NBEA: variants seen among roughly 807,000 people sequenced by gnomAD.
The protein encoded by NBEA is neurobeachin, also known as lysosomal-trafficking regulator 2.
NBEA carries 44 observed loss-of-function variants against 343.4 expected under a neutral mutation model. The observed-to-expected ratio is 0.13, with a 90% CI of 0.10 to 0.16. NBEA has a LOEUF of 0.16. Among genes scored for constraint, NBEA ranks in the 10% least tolerant of loss-of-function variants. The pLI, the probability that NBEA is intolerant of heterozygous loss-of-function variation, is 1.00. For missense variants in NBEA, 2,555 were observed against 3,631.3 expected (o/e 0.70, Z 7.62); for synonymous variants, 1,175 against 1,238.7 (o/e 0.95, Z 1.08).
intron 39 of NBEA, among the ~76,000 whole-genome samples, chr13:35,449,997 G>A (rs1167468486): frequency 6.6e-6 from 1 of 152,170 alleles, no homozygotes; most frequent in African/African-American, 2.4e-5. Flanking sequence ...GTATTGTGAT[G>A]TGACTATGTT....
intron 32 of NBEA, among the ~76,000 whole-genome samples, chr13:35,209,752 C>T (rs1271908984): frequency 6.6e-6 from 1 of 151,908 alleles, no homozygotes; most frequent in Non-Finnish European, 1.5e-5. Flanking sequence ...CTGTATCTAT[C>T]TTGTTTATCA....
intron 8 of NBEA, among the ~76,000 whole-genome samples, chr13:35,067,697 A>G (rs2063706454): frequency 6.6e-6 from 1 of 152,086 alleles, no homozygotes; most frequent in African/African-American, 2.4e-5. Context: ...AAACATTGAT[A>G]TTTATATAAA....
At chr13:35,157,512 GT>G (rs1305382286) in intron 21 of NBEA, among the ~76,000 whole-genome samples, 1 of 152,084 alleles carries the variant, frequency 6.6e-6, no homozygotes, top group African/African-American at 2.4e-5. Flanking sequence ...ACATACATCT[GT>G]TTTATAGCAA....
chr13:35,135,008 C>T (rs555821555), intron 17 of NBEA, among the ~76,000 whole-genome samples: 2 of 151,960 alleles, frequency 1.3e-5, no homozygotes, highest in South Asian at 2.1e-4. Flanking sequence ...TTCATTCATT[C>T]GGTTTTTCCC....
intron 34 of NBEA, among the ~76,000 whole-genome samples, chr13:35,257,715 C>T (rs1593966402): frequency 6.6e-6 from 1 of 152,114 alleles, no homozygotes; most frequent in Non-Finnish European, 1.5e-5. Flanking sequence ...AAATTTATTT[C>T]CTGCTTTTTA....
intron 1 of NBEA, among the ~76,000 whole-genome samples, chr13:35,009,302 A>G (rs1262564224): frequency 6.6e-6 from 1 of 152,318 alleles, no homozygotes; most frequent in East Asian, 1.9e-4. Flanking sequence ...AATACATAGT[A>G]TGTCAAAAGG....
intron 34 of NBEA, among the ~76,000 whole-genome samples, chr13:35,269,801 T>G (rs1386485077): frequency 6.6e-6 from 1 of 152,072 alleles, no homozygotes; most frequent in African/African-American, 2.4e-5. Context: ...AAATGAAGAT[T>G]GACAGAGATA....
intron 47 of NBEA, among the ~76,000 whole-genome samples, chr13:35,602,228 C>A (rs1200141007): frequency 6.6e-6 from 1 of 152,112 alleles, no homozygotes; most frequent in African/African-American, 2.4e-5. Context: ...AACAACAAAT[C>A]TTTTCAATAA....
chr13:35,131,988 A>G (rs191690190), intron 17 of NBEA, among the ~76,000 whole-genome samples: 6 of 152,306 alleles, frequency 3.9e-5, no homozygotes, highest in African/African-American at 9.6e-5. Flanking sequence ...CACAGCATAG[A>G]CTACTTACTG....
chr13:35,176,010 T>C (rs944780219), intron 27 of NBEA, among the ~76,000 whole-genome samples: 9 of 152,128 alleles, frequency 5.9e-5, no homozygotes, highest in African/African-American at 2.2e-4. Flanking sequence ...AAATTATGTA[T>C]TATTTTCTTT....
At chr13:35,055,087 C>T (rs1371899544) in intron 6 of NBEA, among the ~76,000 whole-genome samples, 1 of 151,952 alleles carries the variant, frequency 6.6e-6, no homozygotes, top group Non-Finnish European at 1.5e-5. Flanking sequence ...TTGAATAGTG[C>T]ATTTAAATAA....
At chr13:35,285,335 C>G (rs1467141488) in intron 34 of NBEA, among the ~76,000 whole-genome samples, 1 of 151,962 alleles carries the variant, frequency 6.6e-6, no homozygotes, top group Non-Finnish European at 1.5e-5. Context: ...CCAAAACAAA[C>G]AAAAAGATTA....
At chr13:35,503,097 A>C (rs957716737) in intron 41 of NBEA, among the ~76,000 whole-genome samples, 3 of 152,064 alleles carry the variant, frequency 2.0e-5, no homozygotes, top group Non-Finnish European at 4.4e-5. Context: ...TTTAAACTGC[A>C]CACTAATGAC....
chr13:35,469,881 ATGTGCTGGCTTGTGAT>A, intron 40 of NBEA, among the ~76,000 whole-genome samples: 1 of 152,238 alleles, frequency 6.6e-6, no homozygotes, highest in East Asian at 1.9e-4. Context: ...TGTATGGAAG[ATGTGCTGGCTTGTGAT>A]TGTGCCTTAT....
At position 34,977,561 on chromosome 13, in the gene NBEA, G is replaced by A. The variant is rs939891871; in HGVS notation, c.294+34447G>A. Among the ~76,000 whole-genome samples, 12 of 151,992 alleles carry A rather than the reference G, an allele frequency of 7.9e-5. No individual in the cohort carries two copies. The South Asian group carries it at 2.1e-3, about 26-fold the overall frequency. ...TGACCTCAGGTGATCCTCCCACCTC[G>A]GCCTCCCAAAATGCTGGGATTGCAG... On this transcript the variant is annotated intron_variant, in intron 1 of 58. Transcript: ENST00000379939.
chr13:35,341,847 C>T (rs1056783844), intron 36 of NBEA, among the ~76,000 whole-genome samples: 11 of 151,980 alleles, frequency 7.2e-5, no homozygotes, highest in African/African-American at 2.7e-4. Flanking sequence ...CATAGAGTTA[C>T]CATATAACCC....
rs1184355874 is a variant in NBEA at position 35,118,338 on chromosome 13, T to G, written c.2146-39T>G. 3 of 1,574,434 alleles carry G rather than the reference T, an allele frequency of 1.9e-6. No homozygotes were observed. The African/African-American group carries it at 4.1e-5, about 21-fold the overall frequency. The stretch of plus-strand genomic sequence containing the variant: ...TATTTTAATTATTTAAGCCAATCTT[T>G]AGAGTAAAATTTTAAATCAACATTG... On this transcript the variant is annotated intron_variant, in intron 15 of 58. Coordinates refer to ENST00000379939, the MANE Select transcript of NBEA (RefSeq NM_001385012.1).
intron 41 of NBEA, among the ~76,000 whole-genome samples, chr13:35,507,874 G>T (rs1032834082): frequency 3.3e-5 from 5 of 152,074 alleles, no homozygotes; most frequent in Non-Finnish European, 7.4e-5. Flanking sequence ...TTCATTCTAG[G>T]ATTGTAAGGA....
intron 41 of NBEA, among the ~76,000 whole-genome samples, chr13:35,484,240 G>GTA (rs1379293887): frequency 7.3e-5 from 2 of 27,506 alleles, no homozygotes; most frequent in Admixed American, 1.0e-3. Flanking sequence ...TAATATGTGT[G>GTA]TGTGTGTGTG....
Sources: gnomAD v4.1 joint callset for allele counts (sites outside exome capture counted in the v4.1 genomes callset) on GRCh38, gnomAD v4.1.1 for gene constraint, MANE v1.5 for transcripts, NCBI Gene and HGNC (gene_info 2026-07-23, HGNC 2026-07-21) for gene names.